Variants in RALGAPB observed in about 807,000 individuals in gnomAD.
The protein encoded by RALGAPB is Ral GTPase activating protein non-catalytic subunit beta.
RALGAPB carries 25 observed loss-of-function variants against 161.1 expected under a neutral mutation model. The ratio of observed to expected loss-of-function variants is 0.16; its 90% CI spans 0.11 to 0.22. RALGAPB has a LOEUF of 0.22. RALGAPB is among the 10% of genes least tolerant of loss of function. The pLI, the probability that RALGAPB is intolerant of heterozygous loss-of-function variation, is 1.00. For synonymous variants in RALGAPB, 629 were observed against 626.1 expected (o/e 1.00, Z -0.07); for missense variants, 1,391 against 1,815.2 (o/e 0.77, Z 4.25).
At chr20:38,479,622 C>G (rs1460045523) in intron 1 of RALGAPB, among the ~76,000 whole-genome samples, 3 of 152,168 alleles carry the variant, frequency 2.0e-5, no homozygotes, top group African/African-American at 7.2e-5. Flanking sequence ...CAGGGGAGCA[C>G]TGTTGACTTC....
At chr20:38,568,321 A>G (rs1465857812) in intron 26 of RALGAPB, 1 of 152,202 alleles carries the variant, frequency 6.6e-6, no homozygotes, top group Non-Finnish European at 1.5e-5. Context: ...AACGCAGTTG[A>G]CAAAAATTCA....
At chr20:38,513,418 C>T (rs371717634) in intron 6 of RALGAPB, among the ~76,000 whole-genome samples, 6 of 146,072 alleles carry the variant, frequency 4.1e-5, no homozygotes, top group Non-Finnish European at 7.5e-5. Context: ...GCAGGAGAAT[C>T]GCTTGAACCG....
intron 9 of RALGAPB, among the ~76,000 whole-genome samples, chr20:38,519,394 T>C (rs1446262451): frequency 9.2e-5 from 14 of 152,178 alleles, no homozygotes; most frequent in African/African-American, 3.4e-4. Context: ...CTATTTTTCT[T>C]TTTTCTTTTT....
chr20:38,517,158 G>A (rs976756044), intron 7 of RALGAPB, among the ~76,000 whole-genome samples: 2 of 152,174 alleles, frequency 1.3e-5, no homozygotes, highest in East Asian at 1.9e-4. Context: ...CAAACATCCT[G>A]TCCAGGAATT....
chr20:38,517,978 A>T lies in RALGAPB; in HGVS notation c.1395A>T (p.Ile465=). Residue 465 remains isoleucine (I), a synonymous_variant, in exon 9 of 30, where the codon ATA becomes ATT. Coordinates refer to ENST00000262879, the MANE Select transcript of RALGAPB (RefSeq NM_020336.4). The part of the protein sequence containing the change: ...AFVHCKLHNG[I]NRDSSMTAIT... Reference sequence around the variant, plus strand: ...TTCACTGTAAACTTCATAATGGGATAAACAGAGACAGCAGCATGACTGGTA... The same window carrying T: ...TTCACTGTAAACTTCATAATGGGATTAACAGAGACAGCAGCATGACTGGTA... 1.2e-6 allele frequency: 2 copies of T among 1,609,064 alleles called. No individual in the cohort carries two copies. Among genetic ancestry groups the T allele is most frequent in the Non-Finnish European group, 1.7e-6 (2 of 1,175,346 alleles).
chr20:38,510,730 G>GA (rs1421257698), intron 6 of RALGAPB, among the ~76,000 whole-genome samples: 3 of 124,904 alleles, frequency 2.4e-5, no homozygotes, highest in Non-Finnish European at 4.6e-5. Context: ...CTAAAACGGT[G>GA]AAACCCCGTC....
intron 1 of RALGAPB, among the ~76,000 whole-genome samples, chr20:38,485,349 G>T (rs543222422): frequency 1.1e-4 from 16 of 152,234 alleles, no homozygotes; most frequent in African/African-American, 3.6e-4. Context: ...CTAGGTGACA[G>T]GTTTTTCTAT....
In RALGAPB at chr20:38,576,159, A is replaced by G. The variant is rs1220928163; in HGVS notation, c.*1192A>G. On this transcript the variant is annotated 3_prime_UTR_variant, in exon 30 of 30. Coordinates refer to ENST00000262879, the MANE Select transcript of RALGAPB (RefSeq NM_020336.4). ...CTTTTGAGGTGGCCAGACCCAGAAC[A>G]TCCAAGGATTCCTGTTACAGTGCTA... The G allele has an allele frequency of 6.6e-6, 1 of 152,658 alleles. No homozygotes were observed. Among genetic ancestry groups the G allele is most frequent in the African/African-American group, 2.4e-5 (1 of 41,462 alleles). The allele number at this position is 152,658 out of a possible 1,614,324, so 9.5% of individuals were successfully genotyped here.
Position 38,575,040 on chromosome 20 carries a change from C to T in RALGAPB, c.*73C>T. 1.6e-6 allele frequency: 2 copies of T among 1,263,278 alleles called. No individual in the cohort carries two copies. The highest frequency in any genetic ancestry group is 2.3e-6 in the Non-Finnish European group (2 of 871,968). The allele number at this position is 1,263,278 out of a possible 1,614,324, so 78.3% of individuals were successfully genotyped here. On this transcript the variant is annotated 3_prime_UTR_variant, in exon 30 of 30. Transcript: ENST00000262879. ...ACAGCAGAACAGTTTGATAGGTGATCACTGTAAAAATAAAAACAAATCACT... is the reference window on the plus strand; with the variant it reads ...ACAGCAGAACAGTTTGATAGGTGATTACTGTAAAAATAAAAACAAATCACT...
chr20:38,547,316 A>C (rs572393097), intron 19 of RALGAPB: 8 of 152,318 alleles, frequency 5.3e-5, no homozygotes, highest in African/African-American at 1.9e-4. Flanking sequence ...GGGAAGGGGA[A>C]GGAAAGTGAA....
At position 38,574,942 on chromosome 20, in the gene RALGAPB, T is replaced by C. The variant is rs1344073890; in HGVS notation, c.4460T>C (p.Val1487Ala). 11 of 1,613,544 alleles carry C rather than the reference T, an allele frequency of 6.8e-6. No individual in the cohort carries two copies. The highest frequency in any genetic ancestry group is 1.1e-5 in the South Asian group (1 of 91,086). ...PEFYTSLFQE[V>A]GLKNCSS The stretch of plus-strand genomic sequence containing the variant: ...TTTTATACTTCACTTTTCCAGGAGG[T>C]TGGACTCAAGAACTGCAGTTCTTAG... The change falls in exon 30 of 30, where the codon GTT (valine) becomes GCT (alanine). Residue 1487 changes from valine to alanine, a missense_variant. Physicochemically the swap from Val to Ala is moderately conservative, Grantham distance 64. Around this residue, in one of 3 missense-constraint regions of RALGAPB, gnomAD observed 436 missense variants for 527.0 expected, o/e 0.83. Coordinates refer to ENST00000262879, the MANE Select transcript of RALGAPB (RefSeq NM_020336.4).
Position 38,551,054 on chromosome 20 carries a change from G to A in RALGAPB, c.3010-17G>A, listed in dbSNP as rs745343551. 4.3e-6 allele frequency: 7 copies of A among 1,612,598 alleles called. No individual in the cohort carries two copies. The Admixed American group carries it at 5.0e-5, about 12-fold the overall frequency. On this transcript the variant is annotated splice_polypyrimidine_tract_variant and intron_variant, in intron 20 of 29. Coordinates refer to ENST00000262879, the MANE Select transcript of RALGAPB (RefSeq NM_020336.4). Reference sequence around the variant, plus strand: ...TTGGACCCTGTGTAATAAACATAATGTTACTTGTTTTAACAGCTTTTTGTA... The same window carrying A: ...TTGGACCCTGTGTAATAAACATAATATTACTTGTTTTAACAGCTTTTTGTA...
intron 22 of RALGAPB, among the ~76,000 whole-genome samples, chr20:38,555,861 A>G (rs2087570511): frequency 6.6e-6 from 1 of 152,206 alleles, no homozygotes; most frequent in Admixed American, 6.5e-5. Flanking sequence ...TTATGAATGT[A>G]TGTACAAAAG....
chr20:38,533,369 T>A (rs369942947), intron 15 of RALGAPB, among the ~76,000 whole-genome samples: 1 of 152,178 alleles, frequency 6.6e-6, no homozygotes, highest in African/African-American at 2.4e-5. Context: ...AGTAAAACAT[T>A]TGCCAGCCAA....
chr20:38,548,396 G>A (rs1466125017), intron 19 of RALGAPB, among the ~76,000 whole-genome samples: 1 of 152,216 alleles, frequency 6.6e-6, no homozygotes, highest in Middle Eastern at 3.2e-3. Context: ...TGATACATTA[G>A]TGAACATTAT....
intron 6 of RALGAPB, among the ~76,000 whole-genome samples, chr20:38,510,608 G>A (rs1293448363): frequency 6.6e-6 from 1 of 152,158 alleles, no homozygotes; most frequent in African/African-American, 2.4e-5. Context: ...TTTAGCAAAT[G>A]AACTTGAAAA....
chr20:38,489,663 C>G (rs1054855684), intron 2 of RALGAPB, among the ~76,000 whole-genome samples: 2 of 152,112 alleles, frequency 1.3e-5, no homozygotes, highest in African/African-American at 4.8e-5. Flanking sequence ...TTCTCAGACC[C>G]TTTTTTTCTG....
intron 6 of RALGAPB, among the ~76,000 whole-genome samples, chr20:38,511,584 ACCG>A: frequency 6.6e-6 from 1 of 152,124 alleles, no homozygotes; most frequent in Non-Finnish European, 1.5e-5. Flanking sequence ...CACATCTTGC[ACCG>A]CCATTAATCC....
At chr20:38,488,699 T>G (rs1256717816) in intron 2 of RALGAPB, 81 bp downstream of exon 2, 1 of 1,374,418 alleles carries the variant, frequency 7.3e-7, no homozygotes, top group Non-Finnish European at 9.9e-7. Flanking sequence ...AACTTTTTTG[T>G]TCTTTTTTCT....
Sources: allele counts gnomAD v4.1 joint callset (sites outside exome capture counted in the v4.1 genomes callset), GRCh38; gene constraint gnomAD v4.1.1; regional missense constraint gnomAD v4.1.1; transcripts MANE v1.5; gene names NCBI Gene and HGNC (gene_info 2026-07-23, HGNC 2026-07-21).